IQCE: variants seen among roughly 807,000 people sequenced by gnomAD.
The protein encoded by IQCE is IQ domain-containing protein E.
Under a neutral mutation model 96.0 loss-of-function variants are expected in IQCE, and 115 were observed. The ratio of observed to expected loss-of-function variants is 1.20; its 90% CI spans 1.03 to 1.40. IQCE has a LOEUF of 1.40. Among genes scored for constraint, IQCE ranks in the 40% most tolerant of loss-of-function variants. The probability of loss-of-function intolerance (pLI) is 0.00; values close to 1 mark genes in which losing one functional copy is unlikely to be tolerated. For synonymous variants in IQCE, 412 were observed against 371.2 expected, an observed-to-expected ratio of 1.11 and a Z score of -1.26; for missense variants, 1,041 against 909.1, an observed-to-expected ratio of 1.15 and a Z score of -1.87.
chr7:2,573,135 G>A (rs900265734), intron 5 of IQCE, among the ~76,000 whole-genome samples: 3 of 152,106 alleles, frequency 2.0e-5, no homozygotes, highest in Admixed American at 6.6e-5. Flanking sequence ...TCCTCCTTCC[G>A]TGAGTCCCTT....
At chr7:2,582,086 G>T (rs1219706021) in intron 8 of IQCE, 1 of 469,216 alleles carries the variant, frequency 2.1e-6, no homozygotes, top group Non-Finnish European at 4.4e-6. Context: ...AGGTGAGGAG[G>T]CCGCTGGAGC....
chr7:2,588,654 GTTTTTTTTTTTT>G (rs370704456), intron 13 of IQCE, among the ~76,000 whole-genome samples: 7 of 49,760 alleles, frequency 1.4e-4, no homozygotes, highest in African/African-American at 3.5e-4. Flanking sequence ...TGCCTGGCTG[GTTTTTTTTTTTT>G]TTTTTTTTTT....
At chr7:2,587,427 C>T (rs1444770240) in intron 12 of IQCE, among the ~76,000 whole-genome samples, 2 of 150,918 alleles carry the variant, frequency 1.3e-5, no homozygotes, top group East Asian at 3.9e-4. Flanking sequence ...GAGGGGCAGC[C>T]AGCGAGGCAG....
chr7:2,598,781 T>G, intron 17 of IQCE, 149 bp downstream of exon 17: 1 of 587,444 alleles, frequency 1.7e-6, no homozygotes, highest in Non-Finnish European at 2.6e-6. Flanking sequence ...GAAAACCTCA[T>G]TCACACGCTG....
At chr7:2,561,668 G>A (rs1030184431) in intron 1 of IQCE, among the ~76,000 whole-genome samples, 2 of 152,036 alleles carry the variant, frequency 1.3e-5, no homozygotes, top group Non-Finnish European at 1.5e-5. Context: ...TGATGCACCC[G>A]CCTTGGCCTC....
At chr7:2,582,361 C>T (rs935400969) in intron 8 of IQCE, among the ~76,000 whole-genome samples, 1 of 152,210 alleles carries the variant, frequency 6.6e-6, no homozygotes, top group Non-Finnish European at 1.5e-5. Flanking sequence ...ACCTCCTGCT[C>T]CAGCCGGTGT....
chr7:2,592,672 A>C (rs1208311739), intron 14 of IQCE, among the ~76,000 whole-genome samples: 2 of 152,224 alleles, frequency 1.3e-5, no homozygotes, highest in African/African-American at 2.4e-5. Context: ...CCCCTGCCCC[A>C]TTCACGGACC....
chr7:2,572,629 C>T (rs927852483), intron 5 of IQCE: 1 of 543,680 alleles, frequency 1.8e-6, no homozygotes, highest in African/African-American at 1.9e-5. Flanking sequence ...ATATTAGGAA[C>T]AAATACTAAT....
rs115404417 is a variant in IQCE, at chr7:2,562,958, C to T, written c.36+3741C>T. On this transcript the variant is annotated intron_variant, in intron 1 of 21. Transcript: ENST00000402050. ...TTTGTTTTTCAGAGACAGAACCTCA[C>T]TCTGTTGTCGATGCTAGAGAGCAGT... is the stretch of plus-strand genomic sequence containing the variant. 5.4e-3 allele frequency among the ~76,000 whole-genome samples: 823 copies of T among 152,068 alleles called. 15 individuals are homozygous for T. Among genetic ancestry groups the T allele is most frequent in the African/African-American group, 0.018 (753 of 41,442 alleles).
At chr7:2,586,081 T>C (rs1193316586) in intron 11 of IQCE, 127 bp from the exon 12 acceptor site, 17 of 798,792 alleles carry the variant, frequency 2.1e-5, no homozygotes, top group Non-Finnish European at 2.1e-5. Context: ...TTTCAAATAC[T>C]CACCTGCAAA....
chr7:2,582,452 TAG>T, intron 8 of IQCE, 126 bp from the exon 9 acceptor site: 1 of 778,840 alleles, frequency 1.3e-6, no homozygotes, highest in Non-Finnish European at 2.2e-6. Context: ...GCCCGTAGTC[TAG>T]AAGAGAGCAC....
Position 2,601,421 on chromosome 7 carries a change from C to A in IQCE, c.1609-20C>A, listed in dbSNP as rs10246262. 18 of 1,473,078 alleles carry A rather than the reference C, an allele frequency of 1.2e-5. No individual in the cohort carries two copies. The highest frequency in any genetic ancestry group is 1.6e-5 in the Non-Finnish European group (17 of 1,068,086). 91.3% of individuals were successfully genotyped at this position (1,473,078 alleles called of 1,614,324 possible). A position where few individuals can be genotyped will look rare whatever the true frequency, so the allele number is the denominator to read the frequency against. On this transcript the variant is annotated intron_variant, in intron 17 of 21. Coordinates refer to ENST00000402050, the MANE Select transcript of IQCE (RefSeq NM_152558.5). ...TCTCGTGTTAATTCATGTATTTTTT[C>A]TTTCTTTTTTTTTTTCCAGAAAAAA...
intron 18 of IQCE, 25 bp downstream of exon 18, chr7:2,601,489 CA>C: frequency 6.5e-7 from 1 of 1,547,880 alleles, no homozygotes; most frequent in Non-Finnish European, 8.9e-7. Flanking sequence ...TTTCTTGTTT[CA>C]AAATTCGGAT....
rs1474479259 is a variant in IQCE at position 2,572,189 on chromosome 7, C to G, written c.260-3C>G. 6.2e-7 allele frequency: 1 copy of G among 1,611,754 alleles called. No individual in the cohort carries two copies. The highest frequency in any genetic ancestry group is 1.3e-5 in the African/African-American group (1 of 74,914). On this transcript the variant is annotated splice_polypyrimidine_tract_variant and splice_region_variant and intron_variant, in intron 4 of 21. Coordinates refer to ENST00000402050, the MANE Select transcript of IQCE (RefSeq NM_152558.5). Reference sequence around the variant, plus strand: ...ATATTAAACCCATGCACATTCAAACCAGGAAGTCTGACCCAGGCCCTGAAC... The same window carrying G: ...ATATTAAACCCATGCACATTCAAACGAGGAAGTCTGACCCAGGCCCTGAAC...
chr7:2,592,684 C>T (rs1443912971), intron 14 of IQCE, among the ~76,000 whole-genome samples: 2 of 152,228 alleles, frequency 1.3e-5, no homozygotes, highest in African/African-American at 4.8e-5. Flanking sequence ...TCACGGACCC[C>T]GCGCCTGCCT....
chr7:2,572,205 G>A lies in IQCE; in HGVS notation c.273G>A (p.Gln91=). 2 of 1,614,030 alleles carry A rather than the reference G, an allele frequency of 1.2e-6. No homozygotes were observed. Among genetic ancestry groups the A allele is most frequent in the Admixed American group, 1.7e-5 (1 of 59,986 alleles). ...LGTAKPGSLT[Q]ALNSPLTWEH... ...CATTCAAACCAGGAAGTCTGACCCA[G>A]GCCCTGAACTCACCCCTCACCTGGG... is the stretch of plus-strand genomic sequence containing the variant. The change falls in exon 5 of 22, where the codon CAG becomes CAA. Residue 91 remains glutamine (Q), a synonymous_variant. Transcript: ENST00000402050.
chr7:2,574,369 T>C (rs980506371), intron 6 of IQCE, among the ~76,000 whole-genome samples: 1 of 152,216 alleles, frequency 6.6e-6, no homozygotes, highest in Non-Finnish European at 1.5e-5. Flanking sequence ...GGGAACCTGG[T>C]GTAGACCATT....
Position 2,590,011 on chromosome 7 carries a change from A to C in IQCE, c.1149A>C (p.Arg383=). ...ASSSALHRQP[R]GDRNKDHERL... ...GCTCTGCGCTGCACAGACAGCCACG[A>C]GGGGACCGCAACAAGGACCACGAGC... The change falls in exon 14 of 22, where the codon CGA becomes CGC. Residue 383 remains arginine, a synonymous_variant. Coordinates refer to ENST00000402050, the MANE Select transcript of IQCE (RefSeq NM_152558.5). 6.2e-7 allele frequency: 1 copy of C among 1,613,884 alleles called. No homozygotes were observed.
At chr7:2,586,040 T>A (rs1783080539) in intron 11 of IQCE, among the ~76,000 whole-genome samples, 168 bp from the exon 12 acceptor site, 1 of 152,316 alleles carries the variant, frequency 6.6e-6, no homozygotes. Context: ...TTTTGCTTAT[T>A]TAGAGTTCAA....
Sources: gnomAD v4.1 joint callset for allele counts (sites outside exome capture counted in the v4.1 genomes callset) on GRCh38, gnomAD v4.1.1 for gene constraint, MANE v1.5 for transcripts, NCBI Gene and HGNC (gene_info 2026-07-23, HGNC 2026-07-21) for gene names.